Variants in LRMDA observed in about 807,000 individuals in gnomAD.
The protein encoded by LRMDA is leucine rich melanocyte differentiation associated.
In LRMDA, 18 loss-of-function variants were observed where a neutral mutation model predicts 29.8. That is an observed-to-expected ratio of 0.60 (90% CI 0.42 to 0.90). The LOEUF is 0.90. Ranked by LOEUF, LRMDA falls within the 40% of genes least tolerant of loss-of-function variation. LRMDA has a pLI of 0.00. For synonymous variants in LRMDA, 125 were observed against 109.4 expected (o/e 1.14, Z -0.89); for missense variants, 273 against 273.9 (o/e 1.00, Z 0.02).
At chr10:76,103,204 AT>A (rs914278567) in intron 5 of LRMDA, among the ~76,000 whole-genome samples, 3 of 152,184 alleles carry the variant, frequency 2.0e-5, no homozygotes, top group African/African-American at 7.2e-5. Context: ...AAAGAGGATG[AT>A]TTTTTTGGGT....
At chr10:75,667,133 C>T (rs1339566204) in intron 2 of LRMDA, among the ~76,000 whole-genome samples, 1 of 151,838 alleles carries the variant, frequency 6.6e-6, no homozygotes, top group African/African-American at 2.4e-5. Flanking sequence ...TAGAAATAAA[C>T]ATATTGGAAT....
intron 5 of LRMDA, among the ~76,000 whole-genome samples, chr10:76,090,129 C>T (rs746609288): frequency 1.3e-5 from 2 of 152,158 alleles, no homozygotes; most frequent in Non-Finnish European, 2.9e-5. Flanking sequence ...TACTGTTAAG[C>T]ACCTCCTGTA....
At chr10:76,324,055 A>G (rs1471993398) in intron 5 of LRMDA, among the ~76,000 whole-genome samples, 1 of 152,134 alleles carries the variant, frequency 6.6e-6, no homozygotes, top group Non-Finnish European at 1.5e-5. Flanking sequence ...GCCAGCCTTT[A>G]CTTTGTGGGA....
chr10:76,050,535 G>A (rs1015853035), intron 4 of LRMDA, among the ~76,000 whole-genome samples: 2 of 152,192 alleles, frequency 1.3e-5, no homozygotes, highest in East Asian at 1.9e-4. Flanking sequence ...GTTATTATAG[G>A]AGCTTAAACC....
intron 2 of LRMDA, among the ~76,000 whole-genome samples, chr10:75,607,824 G>T (rs1285800658): frequency 1.1e-4 from 8 of 72,296 alleles, no homozygotes; most frequent in African/African-American, 2.7e-4. Flanking sequence ...TGATTCAGTG[G>T]TTTTTTTTTT....
At chr10:75,492,456 T>A (rs1183002969) in intron 2 of LRMDA, among the ~76,000 whole-genome samples, 2 of 152,222 alleles carry the variant, frequency 1.3e-5, no homozygotes, top group Non-Finnish European at 2.9e-5. Flanking sequence ...TGATTCACAT[T>A]TCCTGCTAGT....
intron 6 of LRMDA, among the ~76,000 whole-genome samples, chr10:76,411,812 T>A (rs1841964314): frequency 6.6e-6 from 1 of 152,218 alleles, no homozygotes; most frequent in Admixed American, 6.5e-5. Flanking sequence ...CTCCCTGTGC[T>A]CTTTTGGGGC....
At chr10:76,225,952 C>T (rs915255113) in intron 5 of LRMDA, among the ~76,000 whole-genome samples, 4 of 147,398 alleles carry the variant, frequency 2.7e-5, no homozygotes, top group Admixed American at 6.9e-5. Context: ...GTTCAATTCC[C>T]GCCTACGAAT....
At position 76,040,411 on chromosome 10, in the gene LRMDA, C is replaced by T. The variant is rs1428514093; in HGVS notation, c.258+4277C>T. Among the ~76,000 whole-genome samples, 10 of 152,290 alleles carry T rather than the reference C, an allele frequency of 6.6e-5. No individual in the cohort carries two copies. In the South Asian group the frequency reaches 8.3e-4, roughly 13 times the overall value. ...CCTTTTTCTCATTGTGTTCAGCCCT[C>T]GTGTTGATATCCTGCTCTGGTATAT... On this transcript the variant is annotated intron_variant, in intron 3 of 6. Coordinates refer to ENST00000611255, the MANE Select transcript of LRMDA (RefSeq NM_001305581.2).
chr10:75,772,182 A>G (rs1843249389), intron 2 of LRMDA, among the ~76,000 whole-genome samples: 1 of 152,234 alleles, frequency 6.6e-6, no homozygotes, highest in Admixed American at 6.5e-5. Flanking sequence ...ACACGCTGGC[A>G]CCATATATCT....
chr10:76,122,088 A>C (rs1236709837), intron 5 of LRMDA, among the ~76,000 whole-genome samples: 1 of 152,210 alleles, frequency 6.6e-6, no homozygotes. Flanking sequence ...CTTTCAGAGA[A>C]GGTGACATCT....
At chr10:76,003,594 G>C (rs543598731) in intron 2 of LRMDA, among the ~76,000 whole-genome samples, 12 of 152,200 alleles carry the variant, frequency 7.9e-5, no homozygotes, top group Non-Finnish European at 1.5e-4. Context: ...TAGTAGTCCC[G>C]GGTGGAAGTG....
intron 6 of LRMDA, among the ~76,000 whole-genome samples, chr10:76,374,727 A>C (rs565001672): frequency 6.6e-6 from 1 of 152,310 alleles, no homozygotes; most frequent in African/African-American, 2.4e-5. Context: ...CTAGGCATGA[A>C]CAGCAGGGGA....
intron 2 of LRMDA, among the ~76,000 whole-genome samples, chr10:75,519,570 G>T (rs1476099629): frequency 1.3e-5 from 2 of 152,110 alleles, no homozygotes; most frequent in African/African-American, 4.8e-5. Context: ...GAGCCTATGT[G>T]TGTCTCTGCA....
chr10:75,522,318 A>C (rs561394340), intron 2 of LRMDA, among the ~76,000 whole-genome samples: 1 of 152,328 alleles, frequency 6.6e-6, no homozygotes, highest in South Asian at 2.1e-4. Context: ...AGATGGTTGG[A>C]CTGGGAAGGA....
intron 6 of LRMDA, among the ~76,000 whole-genome samples, chr10:76,341,965 G>A (rs1841047177): frequency 6.6e-6 from 1 of 152,160 alleles, no homozygotes; most frequent in African/African-American, 2.4e-5. Context: ...TCATGTTCAA[G>A]GGAAGGGCAA....
intron 6 of LRMDA, among the ~76,000 whole-genome samples, chr10:76,371,593 A>G (rs562396470): frequency 6.6e-6 from 1 of 152,278 alleles, no homozygotes; most frequent in Admixed American, 6.5e-5. Flanking sequence ...AGTATAGTCT[A>G]GGGTAATAAT....
At chr10:76,199,451 G>A (rs1485009318) in intron 5 of LRMDA, among the ~76,000 whole-genome samples, 2 of 152,092 alleles carry the variant, frequency 1.3e-5, no homozygotes, top group Non-Finnish European at 2.9e-5. Flanking sequence ...TTAAAGTAGG[G>A]ATAATACTGA....
intron 6 of LRMDA, among the ~76,000 whole-genome samples, chr10:76,332,503 A>G (rs61860563): frequency 0.26 from 38,931 of 152,094 alleles, 5,967 homozygotes; most frequent in Non-Finnish European, 0.36. Flanking sequence ...AATGGATTTC[A>G]GTTTTCCCCT....
Sources: gnomAD v4.1 joint callset for allele counts (sites outside exome capture counted in the v4.1 genomes callset) on GRCh38, gnomAD v4.1.1 for gene constraint, MANE v1.5 for transcripts, NCBI Gene and HGNC (gene_info 2026-07-23, HGNC 2026-07-21) for gene names.